NR1H4: variants seen among roughly 807,000 people sequenced by gnomAD.
NR1H4 encodes bile acid receptor.
A neutral mutation model predicts 58.5 loss-of-function variants in NR1H4; 23 were observed. The ratio of observed to expected loss-of-function variants is 0.39; its 90% confidence interval spans 0.28 to 0.56. NR1H4 has a LOEUF of 0.56. Ranked by LOEUF, NR1H4 falls within the 20% of genes least tolerant of loss-of-function variation. The probability of loss-of-function intolerance (pLI) is 0.58; values close to 1 mark genes in which losing one functional copy is unlikely to be tolerated. For synonymous variants in NR1H4, 214 were observed against 198.0 expected, an observed-to-expected ratio of 1.08 and a Z score of -0.68; for missense variants, 487 against 576.9, an observed-to-expected ratio of 0.84 and a Z score of 1.60.
chr12:100,548,347 A>G (rs1428882183), intron 9 of NR1H4, among the ~76,000 whole-genome samples: 1 of 149,790 alleles, frequency 6.7e-6, no homozygotes, highest in Non-Finnish European at 1.5e-5. Flanking sequence ...AGCCTGGGCA[A>G]CAGAGCAAGA....
At chr12:100,483,820 C>T (rs986837582) in intron 1 of NR1H4, among the ~76,000 whole-genome samples, 28 of 151,998 alleles carry the variant, frequency 1.8e-4, no homozygotes, top group African/African-American at 6.0e-4. Flanking sequence ...CCTGTCTCTA[C>T]TGAAAATACA....
intron 8 of NR1H4, among the ~76,000 whole-genome samples, chr12:100,537,990 G>A (rs957098144): frequency 3.9e-5 from 6 of 152,244 alleles, no homozygotes; most frequent in Middle Eastern, 3.4e-3. Flanking sequence ...GATTACAGGC[G>A]CAAGCCACCA....
At chr12:100,489,803 C>T (rs1180400285) in intron 1 of NR1H4, among the ~76,000 whole-genome samples, 1 of 152,028 alleles carries the variant, frequency 6.6e-6, no homozygotes, top group Non-Finnish European at 1.5e-5. Context: ...AATTGTTTAC[C>T]ATGTGCTTGT....
chr12:100,517,369 T>C (rs930244487), intron 4 of NR1H4, among the ~76,000 whole-genome samples: 4 of 152,228 alleles, frequency 2.6e-5, no homozygotes, highest in Non-Finnish European at 5.9e-5. Flanking sequence ...ATTTCATTCT[T>C]TTTTATGGCT....
At chr12:100,557,720 T>C (rs1385452550) in intron 9 of NR1H4, among the ~76,000 whole-genome samples, 2 of 152,246 alleles carry the variant, frequency 1.3e-5, no homozygotes, top group Non-Finnish European at 2.9e-5. Context: ...ATTTCACTTA[T>C]GATACTCTTC....
intron 4 of NR1H4, among the ~76,000 whole-genome samples, chr12:100,531,198 G>A (rs1488444905): frequency 3.9e-5 from 6 of 152,224 alleles, no homozygotes; most frequent in Admixed American, 3.3e-4. Flanking sequence ...GCTCATGCCT[G>A]TAATCCCAGC....
intron 3 of NR1H4, 44 bp downstream of exon 3, chr12:100,493,446 G>A (rs757633127): frequency 1.0e-5 from 10 of 970,212 alleles, no homozygotes; most frequent in East Asian, 5.1e-5. Flanking sequence ...AACAAACTAC[G>A]ATTTGGAAAT....
chr12:100,552,863 G>C (rs542799469), intron 9 of NR1H4, among the ~76,000 whole-genome samples: 8 of 152,202 alleles, frequency 5.3e-5, no homozygotes, highest in Non-Finnish European at 8.8e-5. Flanking sequence ...CAAGGCTGCA[G>C]TGGGTTATGA....
At position 100,532,155 on chromosome 12, in the gene NR1H4, G is replaced by A. The variant is rs144539382; in HGVS notation, c.446-303G>A. Among the ~76,000 whole-genome samples, 1,239 of 152,216 alleles carry A rather than the reference G, an allele frequency of 8.1e-3. 9 individuals are homozygous for A. The highest frequency in any genetic ancestry group is 0.02 in the Middle Eastern group (6 of 294). ...GTACCCTCTGCACTTAGTGCTCACT[G>A]GCATAGAATTGTCCCCCAATAAAGA... On this transcript the variant is annotated intron_variant, in intron 4 of 10. Coordinates refer to ENST00000392986, the MANE Select transcript of NR1H4 (RefSeq NM_001206979.2).
Position 100,540,791 on chromosome 12 carries a change from C to T in NR1H4, c.1051C>T (p.Leu351=), listed in dbSNP as rs2136252734. The T allele has an allele frequency of 3.7e-6, 6 of 1,614,106 alleles. No homozygotes were observed. The highest frequency in any genetic ancestry group is 1.7e-6 in the Non-Finnish European group (2 of 1,180,000). ...NKKLPSGHSD[L]LEERIRNSGI... ...GAAACTTCCGTCTGGGCATTCTGAC[C>T]TATTGGAAGAAAGAATTCGAAATAG... Residue 351 remains leucine (L), a synonymous_variant, in exon 9 of 11, where the codon CTA becomes TTA. Coordinates refer to ENST00000392986, the MANE Select transcript of NR1H4 (RefSeq NM_001206979.2).
In NR1H4 at chr12:100,563,481, G is replaced by A. The variant is rs1379318425; in HGVS notation, c.1423G>A (p.Val475Met). The A allele has an allele frequency of 2.5e-6, 4 of 1,612,590 alleles. No individual in the cohort carries two copies. The highest frequency in any genetic ancestry group is 3.4e-6 in the Non-Finnish European group (4 of 1,178,594). ...FTPLLCEIWD[V>M]Q is the part of the protein sequence containing the mutation. The stretch of plus-strand genomic sequence containing the variant: ...CCCACTTCTCTGTGAAATCTGGGAC[G>A]TGCAGTGATGGGGATTACAGGGGAG... The change falls in exon 11 of 11, where the codon GTG (valine) becomes ATG (methionine). Residue 475 changes from valine (V) to methionine (M), a missense_variant. By Grantham distance (21) the Val-to-Met change is conservative (BLOSUM62 1). Transcript: ENST00000392986.
chr12:100,498,498 C>G (rs111401467), intron 3 of NR1H4, among the ~76,000 whole-genome samples: 1 of 151,752 alleles, frequency 6.6e-6, no homozygotes, highest in Non-Finnish European at 1.5e-5. Flanking sequence ...ATTAGCTGGG[C>G]GTGGTGGCAC....
At position 100,538,112 on chromosome 12, in the gene NR1H4, G is replaced by A. The variant is rs1393048010; in HGVS notation, c.931+1065G>A. ...GGTTATAGTATAGTGTCTGTGGTGG[G>A]CTCCTAGGTTAGACAATAAGGTAAG... is the stretch of plus-strand genomic sequence containing the variant. On this transcript the variant is annotated intron_variant, in intron 8 of 10. Transcript: ENST00000392986. 2.0e-5 allele frequency among the ~76,000 whole-genome samples: 3 copies of A among 152,116 alleles called. No individual in the cohort carries two copies. In the East Asian group the frequency reaches 5.8e-4, roughly 29 times the overall value.
At chr12:100,529,718 C>T (rs1413992161) in intron 4 of NR1H4, among the ~76,000 whole-genome samples, 1 of 152,184 alleles carries the variant, frequency 6.6e-6, no homozygotes, top group Non-Finnish European at 1.5e-5. Flanking sequence ...AATTCTATTT[C>T]CTTCATGGAC....
At chr12:100,482,204 C>T (rs993178978) in intron 1 of NR1H4, among the ~76,000 whole-genome samples, 3 of 152,132 alleles carry the variant, frequency 2.0e-5, no homozygotes, top group Non-Finnish European at 4.4e-5. Flanking sequence ...ACTGGAAAGC[C>T]TATGCTTAAG....
chr12:100,513,329 A>G (rs1176266221), intron 4 of NR1H4, among the ~76,000 whole-genome samples: 2 of 152,176 alleles, frequency 1.3e-5, no homozygotes, highest in Non-Finnish European at 2.9e-5. Flanking sequence ...TTTTTTTACA[A>G]TACTTAATTC....
In NR1H4 at chr12:100,540,723, C is replaced by A; in HGVS notation, c.983C>A (p.Ala328Glu). The A allele has an allele frequency of 6.2e-7, 1 of 1,614,090 alleles. No individual in the cohort carries two copies. Reference protein sequence around the residue: ...EDQIALLKGSAVEAMFLRSAE... With the variant: ...EDQIALLKGSEVEAMFLRSAE... ...CAGATTGCTTTGCTGAAAGGGTCTG[C>A]GGTTGAAGCTATGTTCCTTCGTTCA... The change falls in exon 9 of 11, where the codon GCG becomes GAG. Residue 328 changes from alanine (A) to glutamate (E), a missense_variant. Transcript: ENST00000392986.
rs144443411 is a variant in NR1H4 at position 100,484,982 on chromosome 12, C to A, written c.-189-7521C>A. ...ATAGGAAGCTTTCCATATATAATTT[C>A]ATTCAATCTTTTTCATTGTGAAATA... is the stretch of plus-strand genomic sequence containing the variant. On this transcript the variant is annotated intron_variant, in intron 1 of 10. Transcript: ENST00000392986. Among the ~76,000 whole-genome samples the A allele has an allele frequency of 8.5e-4, 130 of 152,286 alleles. 1 individual carries two copies. The highest frequency in any genetic ancestry group is 3.0e-3 in the African/African-American group (126 of 41,562).
At chr12:100,525,967 G>A (rs1045093761) in intron 4 of NR1H4, among the ~76,000 whole-genome samples, 2 of 151,980 alleles carry the variant, frequency 1.3e-5, no homozygotes, top group Non-Finnish European at 2.9e-5. Flanking sequence ...GTAACGATGG[G>A]CCTCTCCTTC....
Sources: allele counts gnomAD v4.1 joint callset (sites outside exome capture counted in the v4.1 genomes callset), GRCh38; gene constraint gnomAD v4.1.1; transcripts MANE v1.5; gene names NCBI Gene and HGNC (gene_info 2026-07-23, HGNC 2026-07-21).